Variants in PCGF6 observed in about 807,000 individuals in gnomAD.
PCGF6 encodes the protein polycomb group ring finger 6.
A neutral mutation model predicts 45.5 loss-of-function variants in PCGF6; 24 were observed. The observed-to-expected ratio is 0.53, with a 90% CI of 0.38 to 0.74. The LOEUF (loss-of-function observed/expected upper bound fraction) is 0.74. Ranked by LOEUF, PCGF6 falls within the 30% of genes least tolerant of loss-of-function variation. PCGF6 has a pLI of 0.00. For synonymous variants in PCGF6, 152 were observed against 162.1 expected (o/e 0.94, Z 0.47); for missense variants, 356 against 443.2 (o/e 0.80, Z 1.77).
At chr10:103,343,560 A>G (rs1234414697) in intron 6 of PCGF6, among the ~76,000 whole-genome samples, 2 of 151,878 alleles carry the variant, frequency 1.3e-5, no homozygotes, top group African/African-American at 4.8e-5. Flanking sequence ...AGTATCTAGC[A>G]GGGCACGGTG....
chr10:103,334,201 T>C (rs1241631105), intron 6 of PCGF6, among the ~76,000 whole-genome samples: 3 of 152,210 alleles, frequency 2.0e-5, no homozygotes, highest in Non-Finnish European at 4.4e-5. Context: ...GTATATTCTC[T>C]TTTTTTGATG....
intron 9 of PCGF6, among the ~76,000 whole-genome samples, chr10:103,306,959 C>T (rs1165956534): frequency 6.6e-6 from 1 of 151,788 alleles, no homozygotes; most frequent in Non-Finnish European, 1.5e-5. Flanking sequence ...CAAAAATTAG[C>T]CAGGTGTGGT....
At chr10:103,323,478 T>G (rs893283536) in intron 8 of PCGF6, among the ~76,000 whole-genome samples, 1 of 152,116 alleles carries the variant, frequency 6.6e-6, no homozygotes, top group African/African-American at 2.4e-5. Flanking sequence ...ATATTTTTAG[T>G]AGAGATGCGG....
chr10:103,342,968 G>A (rs771942860), intron 6 of PCGF6, among the ~76,000 whole-genome samples: 8 of 151,856 alleles, frequency 5.3e-5, no homozygotes, highest in South Asian at 2.1e-4. Context: ...AGTCTCTGCC[G>A]CCCAGGCTGG....
chr10:103,348,924 T>C lies in PCGF6; in HGVS notation c.436A>G (p.Thr146Ala). ...CAGGTATGAAGACATTCTGTGATGG[T>C]AGTTGCATCTATTAAGTAACCTTTG... Reference protein sequence around the residue: ...ICKGYLIDATTITECLHTFCK... With the variant: ...ICKGYLIDATAITECLHTFCK... The change falls in exon 2 of 10, where the codon ACC (threonine) becomes GCC (alanine). Residue 146 changes from threonine (T) to alanine (A), a missense_variant. Physicochemically the swap from Thr to Ala is moderately conservative, Grantham distance 58. Around this residue, in one of 2 missense-constraint regions of PCGF6, gnomAD observed 307 missense variants for 350.1 expected, o/e 0.88. Coordinates refer to ENST00000369847, the MANE Select transcript of PCGF6 (RefSeq NM_001011663.2). 1.2e-6 allele frequency: 2 copies of C among 1,613,060 alleles called. No homozygotes were observed. The highest frequency in any genetic ancestry group is 1.7e-5 in the Admixed American group (1 of 60,014).
intron 8 of PCGF6, among the ~76,000 whole-genome samples, chr10:103,324,487 G>A (rs564417226): frequency 3.3e-5 from 5 of 151,996 alleles, no homozygotes; most frequent in East Asian, 1.9e-4. Flanking sequence ...GGCTGGGCGC[G>A]GTGGCTTATG....
intron 9 of PCGF6, among the ~76,000 whole-genome samples, chr10:103,308,679 C>T (rs781482238): frequency 2.0e-5 from 3 of 151,878 alleles, no homozygotes; most frequent in Non-Finnish European, 4.4e-5. Flanking sequence ...TGAGACCAGC[C>T]GGGGCAACAT....
intron 1 of PCGF6, among the ~76,000 whole-genome samples, chr10:103,349,627 C>G (rs1316079785): frequency 3.3e-5 from 5 of 150,604 alleles, no homozygotes; most frequent in Non-Finnish European, 1.5e-5. Context: ...ATTACAGGCG[C>G]GTGCCACCAC....
intron 6 of PCGF6, among the ~76,000 whole-genome samples, chr10:103,340,699 C>T (rs1326736480): frequency 6.6e-6 from 1 of 151,896 alleles, no homozygotes; most frequent in Non-Finnish European, 1.5e-5. Flanking sequence ...CGGGCTCAGT[C>T]GATCCTCCCC....
chr10:103,343,860 C>G (rs947170943), intron 6 of PCGF6, among the ~76,000 whole-genome samples: 1 of 48,086 alleles, frequency 2.1e-5, no homozygotes, highest in Non-Finnish European at 5.2e-5. Flanking sequence ...AGAAAGGTAT[C>G]TAACTAATTT....
intron 1 of PCGF6, among the ~76,000 whole-genome samples, chr10:103,349,621 C>A (rs1309727506): frequency 6.7e-6 from 1 of 150,282 alleles, no homozygotes; most frequent in East Asian, 2.0e-4. Context: ...GCTGAGATTA[C>A]AGGCGCGTGC....
chr10:103,319,865 G>C (rs1012114366), intron 8 of PCGF6, among the ~76,000 whole-genome samples: 5 of 152,108 alleles, frequency 3.3e-5, no homozygotes, highest in Non-Finnish European at 4.4e-5. Flanking sequence ...TAGTGCAGTG[G>C]TGCGATCTCG....
intron 1 of PCGF6, among the ~76,000 whole-genome samples, chr10:103,349,465 GTTTC>G (rs2093312439): frequency 7.3e-6 from 1 of 136,140 alleles, no homozygotes; most frequent in South Asian, 2.4e-4. Context: ...ATAAATTATT[GTTTC>G]TTTCTTTCCG....
chr10:103,324,170 C>T (rs1592062911), intron 8 of PCGF6, among the ~76,000 whole-genome samples: 1 of 151,828 alleles, frequency 6.6e-6, no homozygotes, highest in Non-Finnish European at 1.5e-5. Context: ...AACTCCTGAC[C>T]TCAAATGATC....
rs554555206 is a variant in PCGF6 at position 103,303,099 on chromosome 10, A to G, written c.*806T>C. 17 of 152,770 alleles carry G rather than the reference A, an allele frequency of 1.1e-4. No homozygotes were observed. The East Asian group carries it at 3.3e-3, about 29-fold the overall frequency. The allele number at this position is 152,770 out of a possible 1,614,324, so 9.5% of individuals were successfully genotyped here. A position where few individuals can be genotyped will look rare whatever the true frequency, so the allele number is the denominator to read the frequency against. ...AACTGACTTACTAAGAAAACAATGA[A>G]TAAGTAATTCTGTAAACTTCTCAAA... On this transcript the variant is annotated 3_prime_UTR_variant, in exon 10 of 10. Coordinates refer to ENST00000369847, the MANE Select transcript of PCGF6 (RefSeq NM_001011663.2).
intron 8 of PCGF6, among the ~76,000 whole-genome samples, chr10:103,323,030 T>C (rs374860985): frequency 2.6e-5 from 4 of 152,182 alleles, no homozygotes; most frequent in African/African-American, 9.6e-5. Context: ...TAAGGGCAAG[T>C]CTTCTGCTTT....
At chr10:103,350,422 C>T (rs2133605551) in intron 1 of PCGF6, among the ~76,000 whole-genome samples, 1 of 152,318 alleles carries the variant, frequency 6.6e-6, no homozygotes, top group South Asian at 2.1e-4. Context: ...CTGGGAGACC[C>T]TGTCTCAAAA....
chr10:103,319,350 A>G (rs1420300466), intron 8 of PCGF6, among the ~76,000 whole-genome samples: 1 of 151,860 alleles, frequency 6.6e-6, no homozygotes, highest in African/African-American at 2.4e-5. Flanking sequence ...ACGGGGTTTC[A>G]CCATGTTGGC....
intron 8 of PCGF6, among the ~76,000 whole-genome samples, chr10:103,318,440 C>T (rs1237222826): frequency 1.5e-5 from 2 of 134,832 alleles, no homozygotes; most frequent in Non-Finnish European, 3.1e-5. Flanking sequence ...GAGACTCCAT[C>T]TCAAAAAAAA....
Sources: allele counts gnomAD v4.1 joint callset (sites outside exome capture counted in the v4.1 genomes callset), GRCh38; gene constraint gnomAD v4.1.1; regional missense constraint gnomAD v4.1.1; transcripts MANE v1.5; gene names NCBI Gene and HGNC (gene_info 2026-07-23, HGNC 2026-07-21).